The following NPR3 variants were observed in gnomAD, a reference collection of about 807,000 sequenced individuals.
The protein encoded by NPR3 is atrial natriuretic peptide receptor 3.
In NPR3, 34 loss-of-function variants were observed where a neutral mutation model predicts 54.5. The observed-to-expected ratio is 0.62, with a 90% CI of 0.47 to 0.83. The LOEUF (loss-of-function observed/expected upper bound fraction) is 0.83, where lower values mean the gene tolerates loss of function less well. Ranked by LOEUF, NPR3 falls within the 40% of genes least tolerant of loss-of-function variation. The pLI is 0.00. For missense variants in NPR3, 674 were observed against 720.8 expected (o/e 0.94, Z 0.74); for synonymous variants, 289 against 297.1 (o/e 0.97, Z 0.28).
At chr5:32,759,564 C>T (rs1741043057) in intron 3 of NPR3, among the ~76,000 whole-genome samples, 1 of 152,126 alleles carries the variant, frequency 6.6e-6, no homozygotes, top group African/African-American at 2.4e-5. Flanking sequence ...ATCCAATTTG[C>T]CAGTCTGTGT....
At chr5:32,767,469 A>G (rs1741534634) in intron 3 of NPR3, among the ~76,000 whole-genome samples, 1 of 152,272 alleles carries the variant, frequency 6.6e-6, no homozygotes, top group African/African-American at 2.4e-5. Flanking sequence ...GTTGGCTATT[A>G]CAATTATTGC....
At position 32,712,274 on chromosome 5, in the gene NPR3, C is replaced by A. The variant is rs552109737; in HGVS notation, c.498C>A (p.His166Gln). The A allele has an allele frequency of 1.2e-6, 2 of 1,613,032 alleles. No homozygotes were observed. The highest frequency in any genetic ancestry group is 1.3e-5 in the African/African-American group (1 of 75,066). ...GGGCGCTGGCCGCTGGCTTCCAGCA[C>A]AAGGACTCTGAGTACTCGCACCTCA... ...SAGALAAGFQ[H>Q]KDSEYSHLTR... is the part of the protein sequence containing the mutation. Residue 166 changes from histidine (H) to glutamine (Q), a missense_variant, in exon 1 of 8, where the codon CAC becomes CAA. His to Gln is a conservative substitution (Grantham distance 24, BLOSUM62 0). Transcript: ENST00000265074.
intron 2 of NPR3, among the ~76,000 whole-genome samples, chr5:32,737,188 C>T (rs142695914): frequency 4.3e-4 from 66 of 152,248 alleles, no homozygotes; most frequent in South Asian, 6.2e-4. Flanking sequence ...CAGCCTTCCC[C>T]GGGTTAGAGC....
chr5:32,709,867 T>G (rs947294706), upstream of NPR3: 3 of 152,166 alleles, frequency 2.0e-5, no homozygotes, highest in African/African-American at 7.2e-5. Context: ...CGTCTGGGAC[T>G]GCGGCACCCG....
At chr5:32,743,083 A>G (rs913129186) in intron 3 of NPR3, among the ~76,000 whole-genome samples, 1 of 152,230 alleles carries the variant, frequency 6.6e-6, no homozygotes, top group African/African-American at 2.4e-5. Flanking sequence ...TGTTTTTAGT[A>G]AAATTAATGT....
intron 3 of NPR3, among the ~76,000 whole-genome samples, chr5:32,766,497 C>G (rs1269199287): frequency 1.3e-5 from 2 of 152,062 alleles, no homozygotes; most frequent in African/African-American, 2.4e-5. Context: ...CATTTCCAAT[C>G]AAAGGTCTTT....
chr5:32,738,344 G>A (rs1362241120), intron 2 of NPR3, among the ~76,000 whole-genome samples: 1 of 151,046 alleles, frequency 6.6e-6, no homozygotes, highest in Non-Finnish European at 1.5e-5. Flanking sequence ...GTGTCTATGT[G>A]TTCTCATTGT....
chr5:32,700,232 T>A (rs1000894160), intron 1 of NPR3, among the ~76,000 whole-genome samples: 2 of 152,190 alleles, frequency 1.3e-5, no homozygotes, highest in Non-Finnish European at 2.9e-5. Context: ...AATATTGATA[T>A]CTTTTTCTAG....
At position 32,789,618 on chromosome 5, in the gene NPR3, C is replaced by T. The variant is rs767374415; in HGVS notation, c.*3273C>T. On this transcript the variant is annotated 3_prime_UTR_variant, in exon 8 of 8. Transcript: ENST00000265074. ...TTGCTTTGGAATGCCCTCACTTCTC[C>T]CTATTCACAGGCTTCTAAAATCATT... 7.5e-6 allele frequency: 4 copies of T among 534,622 alleles called. No homozygotes were observed. In the African/African-American group the frequency reaches 7.7e-5, roughly 10 times the overall value. The allele number at this position is 534,622 out of a possible 1,614,324, so 33.1% of individuals were successfully genotyped here. A position where few individuals can be genotyped will look rare whatever the true frequency, so the allele number is the denominator to read the frequency against.
intron 3 of NPR3, among the ~76,000 whole-genome samples, chr5:32,760,093 T>C (rs1427820396): frequency 6.6e-6 from 1 of 152,098 alleles, no homozygotes; most frequent in East Asian, 1.9e-4. Context: ...AAATACGCCA[T>C]GATTTGTTTA....
chr5:32,755,424 C>T (rs1740785653), intron 3 of NPR3, among the ~76,000 whole-genome samples: 1 of 152,070 alleles, frequency 6.6e-6, no homozygotes. Flanking sequence ...TATAGTTAAG[C>T]CTGAAGATGG....
chr5:32,694,118 C>G (rs894429313), intron 1 of NPR3, among the ~76,000 whole-genome samples: 4 of 152,170 alleles, frequency 2.6e-5, no homozygotes, highest in African/African-American at 9.7e-5. Context: ...AACATGAGTC[C>G]TACTCTCTTT....
At chr5:32,770,220 T>A (rs185580609) in intron 3 of NPR3, among the ~76,000 whole-genome samples, 2 of 151,846 alleles carry the variant, frequency 1.3e-5, no homozygotes, top group African/African-American at 4.8e-5. Flanking sequence ...TCACTTGAGC[T>A]CTGGTTTGAG....
At chr5:32,748,939 A>G (rs1021406714) in intron 3 of NPR3, among the ~76,000 whole-genome samples, 3 of 151,930 alleles carry the variant, frequency 2.0e-5, no homozygotes, top group African/African-American at 7.3e-5. Flanking sequence ...TGAGAAATTG[A>G]CTCAACTTTA....
chr5:32,712,436 C>G lies in NPR3; in HGVS notation c.660C>G (p.Val220=). ...ERNCYFTLEG[V]HEVFQEEGLH... ...ACTGCTACTTCACCCTCGAGGGGGTCCACGAGGTCTTCCAGGAGGAGGGTT... is the reference window on the plus strand; with the variant it reads ...ACTGCTACTTCACCCTCGAGGGGGTGCACGAGGTCTTCCAGGAGGAGGGTT... The change falls in exon 1 of 8, where the codon GTC becomes GTG. Residue 220 remains valine, a synonymous_variant. Coordinates refer to ENST00000265074, the MANE Select transcript of NPR3 (RefSeq NM_001204375.2). 4 of 1,612,258 alleles carry G rather than the reference C, an allele frequency of 2.5e-6. No individual in the cohort carries two copies. In the South Asian group the frequency reaches 4.4e-5, roughly 18 times the overall value.
chr5:32,706,774 G>T (rs1260896894), upstream of NPR3, among the ~76,000 whole-genome samples: 3 of 151,996 alleles, frequency 2.0e-5, no homozygotes, highest in Non-Finnish European at 4.4e-5. Context: ...TTTGTAAAGG[G>T]CACTCATTTT....
chr5:32,780,066 G>T (rs1487669300), intron 4 of NPR3, among the ~76,000 whole-genome samples: 1 of 152,184 alleles, frequency 6.6e-6, no homozygotes, highest in East Asian at 1.9e-4. Flanking sequence ...CCCCAGTCCA[G>T]GCTGCCCCTC....
Position 32,774,893 on chromosome 5 carries a change from C to A in NPR3, c.1195+50C>A, listed in dbSNP as rs574777357. On this transcript the variant is annotated intron_variant, in intron 4 of 7. Transcript: ENST00000265074. ...TTACATGGGGCCAAATGAGCTGCTGCTTTTCTGGTTCTGTATTTCTCAGTT... is the reference window on the plus strand; with the variant it reads ...TTACATGGGGCCAAATGAGCTGCTGATTTTCTGGTTCTGTATTTCTCAGTT... 14 of 1,466,254 alleles carry A rather than the reference C, an allele frequency of 9.5e-6. No homozygotes were observed. In the African/African-American group the frequency reaches 1.1e-4, roughly 12 times the overall value. The allele number at this position is 1,466,254 out of a possible 1,614,324, so 90.8% of individuals were successfully genotyped here. A position where few individuals can be genotyped will look rare whatever the true frequency, so the allele number is the denominator to read the frequency against.
Position 32,711,670 on chromosome 5 carries a change from G to T in NPR3, c.-107G>T. On this transcript the variant is annotated 5_prime_UTR_variant, in exon 1 of 8. It adds an upstream start codon to the 5' untranslated region. Transcript: ENST00000265074. ...TATTCTATTTTGTTAAAGCGCCCAAGGGGGCGCAGGGACCTTGGAGAGAAG... is the reference window on the plus strand; with the variant it reads ...TATTCTATTTTGTTAAAGCGCCCAATGGGGCGCAGGGACCTTGGAGAGAAG... 3.0e-6 allele frequency: 4 copies of T among 1,315,524 alleles called. No individual in the cohort carries two copies. Among genetic ancestry groups the T allele is most frequent in the South Asian group, 2.7e-5 (1 of 36,984 alleles). 81.5% of individuals were successfully genotyped at this position (1,315,524 alleles called of 1,614,324 possible).
Sources: allele counts gnomAD v4.1 joint callset (sites outside exome capture counted in the v4.1 genomes callset), GRCh38; gene constraint gnomAD v4.1.1; transcripts MANE v1.5; gene names NCBI Gene and HGNC (gene_info 2026-07-23, HGNC 2026-07-21).